The following AMOTL1 variants were observed in gnomAD, a reference collection of about 807,000 sequenced individuals.
AMOTL1 encodes the protein angiomotin like 1.
A neutral mutation model predicts 102.9 loss-of-function variants in AMOTL1; 45 were observed. The observed-to-expected ratio is 0.44, with a 90% CI of 0.34 to 0.56. The LOEUF (loss-of-function observed/expected upper bound fraction) is 0.56, where lower values mean the gene tolerates loss of function less well. AMOTL1 is among the 20% of genes least tolerant of loss of function. The pLI is 0.01. For missense variants in AMOTL1, 1,114 were observed against 1,225.6 expected (o/e 0.91, Z 1.36); for synonymous variants, 481 against 484.7 (o/e 0.99, Z 0.10).
At chr11:94,794,537 T>C (rs555916076) in intron 1 of AMOTL1, among the ~76,000 whole-genome samples, 23 of 152,336 alleles carry the variant, frequency 1.5e-4, no homozygotes, top group South Asian at 4.1e-4. Context: ...CACATTCTCT[T>C]GCTAACACAT....
At chr11:94,788,079 G>C (rs1951222037) in intron 1 of AMOTL1, among the ~76,000 whole-genome samples, 1 of 152,136 alleles carries the variant, frequency 6.6e-6, no homozygotes, top group Non-Finnish European at 1.5e-5. Flanking sequence ...AAGATTCAGT[G>C]CACATCCAGT....
At chr11:94,720,105 C>G (rs942704483) in intron 1 of AMOTL1, among the ~76,000 whole-genome samples, 6 of 152,030 alleles carry the variant, frequency 3.9e-5, no homozygotes, top group Non-Finnish European at 5.9e-5. Context: ...CTTGGGGATG[C>G]GATCCAAGGT....
intron 1 of AMOTL1, among the ~76,000 whole-genome samples, chr11:94,773,892 AG>A (rs1251223249): frequency 6.6e-6 from 1 of 152,238 alleles, no homozygotes; most frequent in Non-Finnish European, 1.5e-5. Flanking sequence ...AAAATGAAAA[AG>A]GAGAGGTAGT....
At chr11:94,753,064 C>G (rs1036071) in intron 3 of AMOTL1, among the ~76,000 whole-genome samples, 21,905 of 152,052 alleles carry the variant, frequency 0.14, 3,349 homozygotes, top group African/African-American at 0.36. Context: ...ATTCAAACGG[C>G]AACTCCAGAC....
chr11:94,743,475 T>C (rs1036134828), intron 3 of AMOTL1, among the ~76,000 whole-genome samples: 2 of 152,090 alleles, frequency 1.3e-5, no homozygotes, highest in Non-Finnish European at 2.9e-5. Flanking sequence ...GTCATGGTGG[T>C]TTTTTGGTGC....
intron 3 of AMOTL1, among the ~76,000 whole-genome samples, chr11:94,801,900 G>C (rs1951484804): frequency 6.6e-6 from 1 of 152,140 alleles, no homozygotes; most frequent in Non-Finnish European, 1.5e-5. Context: ...TTTTCATGAA[G>C]GGCTTTATTA....
intron 8 of AMOTL1, among the ~76,000 whole-genome samples, chr11:94,854,721 G>A (rs977863531): frequency 1.5e-4 from 23 of 152,094 alleles, no homozygotes; most frequent in Non-Finnish European, 2.6e-4. Flanking sequence ...GAAGGTTGTC[G>A]GTGCAGCCTA....
chr11:94,840,009 T>C (rs1341218276), intron 6 of AMOTL1, among the ~76,000 whole-genome samples: 2 of 152,224 alleles, frequency 1.3e-5, no homozygotes, highest in East Asian at 3.9e-4. Flanking sequence ...ATAAAAGGCC[T>C]TGTTGGATAA....
At chr11:94,711,970 A>G (rs1357068976) in intron 1 of AMOTL1, among the ~76,000 whole-genome samples, 1 of 152,084 alleles carries the variant, frequency 6.6e-6, no homozygotes, top group Non-Finnish European at 1.5e-5. Flanking sequence ...TGAAAATGTG[A>G]TATCTGGGTT....
chr11:94,859,752 A>G lies in AMOTL1; in HGVS notation c.2135+37A>G, dbSNP rs772249915. 1.9e-6 allele frequency: 3 copies of G among 1,538,860 alleles called. No homozygotes were observed. The South Asian group carries it at 3.7e-5, about 19-fold the overall frequency. On this transcript the variant is annotated intron_variant, in intron 9 of 12. Transcript: ENST00000433060. ...GGAACTCTGGTGGTCATAAAAGCACAGTTAAAAAAATCAAAACAAAACAAA... is the reference window on the plus strand; with the variant it reads ...GGAACTCTGGTGGTCATAAAAGCACGGTTAAAAAAATCAAAACAAAACAAA...
chr11:94,797,393 G>T (rs1287712084), intron 2 of AMOTL1, among the ~76,000 whole-genome samples: 2 of 152,192 alleles, frequency 1.3e-5, no homozygotes, highest in African/African-American at 2.4e-5. Flanking sequence ...GCTCATGTAG[G>T]TATTCTTTTA....
chr11:94,850,000 C>T, intron 6 of AMOTL1, 114 bp from the exon 7 acceptor site: 1 of 1,265,432 alleles, frequency 7.9e-7, no homozygotes, highest in African/African-American at 1.5e-5. Context: ...CAATTCAGTC[C>T]TCCATTATTT....
intron 1 of AMOTL1, among the ~76,000 whole-genome samples, chr11:94,771,928 G>A (rs1466083339): frequency 2.0e-5 from 3 of 152,192 alleles, no homozygotes; most frequent in African/African-American, 7.2e-5. Flanking sequence ...GTCGTTCTAT[G>A]GTGTGTGTTT....
chr11:94,810,868 ACG>A (rs1371948950), intron 3 of AMOTL1, among the ~76,000 whole-genome samples: 3 of 141,792 alleles, frequency 2.1e-5, no homozygotes, highest in East Asian at 4.2e-4. Context: ...ACACACACAC[ACG>A]CGTACACACA....
At position 94,858,727 on chromosome 11, in the gene AMOTL1, T is replaced by C. The variant is rs116248623; in HGVS notation, c.1945-798T>C. Among the ~76,000 whole-genome samples the C allele has an allele frequency of 6.2e-3, 949 of 152,370 alleles. 12 individuals are homozygous for C. The highest frequency in any genetic ancestry group is 0.021 in the African/African-American group (891 of 41,592). On this transcript the variant is annotated intron_variant, in intron 8 of 12. Transcript: ENST00000433060. ...AGACTCCAAGATAACTTATCTCTGC[T>C]GCTGCTCTGAAGGCAGAACTTTCTC...
chr11:94,811,788 C>T (rs1296682349), intron 3 of AMOTL1, among the ~76,000 whole-genome samples: 1 of 152,144 alleles, frequency 6.6e-6, no homozygotes, highest in Non-Finnish European at 1.5e-5. Flanking sequence ...AAATTAAGAC[C>T]AGCTGGTTGT....
At chr11:94,798,259 G>A (rs982582199) in intron 2 of AMOTL1, among the ~76,000 whole-genome samples, 1 of 152,174 alleles carries the variant, frequency 6.6e-6, no homozygotes, top group African/African-American at 2.4e-5. Context: ...AGAGAATTTA[G>A]TACAATACCT....
In AMOTL1 at chr11:94,783,303, C is replaced by T. The variant is rs575296287; in HGVS notation, c.50-11708C>T. ...CAAATTGTTCAGAACAGAACAATAC[C>T]CTCCACATAGAAAATTCCCAGCAGT... On this transcript the variant is annotated intron_variant, in intron 1 of 12. Coordinates refer to ENST00000433060, the MANE Select transcript of AMOTL1 (RefSeq NM_130847.3). Among the ~76,000 whole-genome samples, 3 of 152,180 alleles carry T rather than the reference C, an allele frequency of 2.0e-5. No individual in the cohort carries two copies. In the South Asian group the frequency reaches 6.2e-4, roughly 32 times the overall value.
chr11:94,862,011 C>T (rs1336492035), intron 9 of AMOTL1, among the ~76,000 whole-genome samples: 1 of 152,146 alleles, frequency 6.6e-6, no homozygotes, highest in African/African-American at 2.4e-5. Context: ...ACTCTTACCC[C>T]AGAGAACAGG....
Sources: allele counts gnomAD v4.1 joint callset (sites outside exome capture counted in the v4.1 genomes callset), GRCh38; gene constraint gnomAD v4.1.1; transcripts MANE v1.5; gene names NCBI Gene and HGNC (gene_info 2026-07-23, HGNC 2026-07-21).